The following COBL variants were observed in gnomAD, a reference collection of about 807,000 sequenced individuals.
COBL encodes protein cordon-bleu.
In COBL, 51 loss-of-function variants were observed where a neutral mutation model predicts 98.8. The ratio of observed to expected loss-of-function variants is 0.52; its 90% CI spans 0.41 to 0.65. The LOEUF is 0.65. Among genes scored for constraint, COBL ranks in the 30% least tolerant of loss-of-function variants. COBL has a pLI of 0.00. For missense variants in COBL, 1,617 were observed against 1,617.5 expected, an observed-to-expected ratio of 1.00 and a Z score of 0.01; for synonymous variants, 634 against 651.7, an observed-to-expected ratio of 0.97 and a Z score of 0.41.
intron 2 of COBL, 37 bp from the exon 3 acceptor site, chr7:51,193,626 G>C: frequency 6.4e-7 from 1 of 1,574,714 alleles, no homozygotes; most frequent in Non-Finnish European, 8.7e-7. Flanking sequence ...TATTAGGAAT[G>C]ACTGCACTCT....
intron 2 of COBL, among the ~76,000 whole-genome samples, chr7:51,200,296 G>A (rs1342589226): frequency 2.0e-5 from 3 of 152,184 alleles, no homozygotes; most frequent in African/African-American, 7.2e-5. Flanking sequence ...CATCATGAAA[G>A]CATATGAAAA....
chr7:51,189,118 T>C (rs1789833489), intron 4 of COBL, among the ~76,000 whole-genome samples: 2 of 152,216 alleles, frequency 1.3e-5, no homozygotes, highest in Non-Finnish European at 2.9e-5. Flanking sequence ...AAAAAGACAC[T>C]GGATAAAACA....
intron 2 of COBL, among the ~76,000 whole-genome samples, chr7:51,213,446 C>A (rs983767032): frequency 3.9e-5 from 6 of 152,190 alleles, no homozygotes; most frequent in Non-Finnish European, 8.8e-5. Context: ...CCGAAGCCAT[C>A]CCCAGCCTGG....
At chr7:51,169,974 T>C (rs1395661775) in intron 5 of COBL, among the ~76,000 whole-genome samples, 3 of 152,282 alleles carry the variant, frequency 2.0e-5, no homozygotes, top group Non-Finnish European at 4.4e-5. Flanking sequence ...ACCTAGTCTA[T>C]ACCCACAATT....
At chr7:51,095,511 A>C (rs1191056328) in intron 6 of COBL, among the ~76,000 whole-genome samples, 1 of 152,220 alleles carries the variant, frequency 6.6e-6, no homozygotes, top group Admixed American at 6.5e-5. Context: ...AATAGTAACA[A>C]GTCCTTCTCT....
At chr7:51,294,331 A>AAT (rs1157898470) in intron 1 of COBL, among the ~76,000 whole-genome samples, 46 of 130,010 alleles carry the variant, frequency 3.5e-4, no homozygotes, top group South Asian at 2.9e-3. Context: ...TAAATAAATA[A>AAT]AAATAAATAA....
At position 51,132,554 on chromosome 7, in the gene COBL, A is replaced by C. The variant is rs568047928; in HGVS notation, c.957+3604T>G. On this transcript the variant is annotated intron_variant, in intron 6 of 12. Coordinates refer to ENST00000265136, the MANE Select transcript of COBL (RefSeq NM_015198.5). ...GGCTCAAGAGCAGAACAAGTGAGGA[A>C]ACCATGAGCAAATAAGAGGAAAACA... is the stretch of plus-strand genomic sequence containing the variant. 1.2e-3 allele frequency among the ~76,000 whole-genome samples: 185 copies of C among 152,342 alleles called. 1 individual carries two copies. The highest frequency in any genetic ancestry group is 4.3e-3 in the African/African-American group (177 of 41,586).
At position 51,028,489 on chromosome 7, in the gene COBL, G is replaced by C. The variant is rs751828135; in HGVS notation, c.2607C>G (p.Ala869=). ...PQRRTSSQYV[A]SAIAKRIGAP... ...CTCCTATGCGCTTGGCAATGGCAGA[G>C]GCCACATACTGGCTGGACGTTCTTC... Residue 869 remains alanine (A), a synonymous_variant, in exon 10 of 13, where the codon GCC becomes GCG. Coordinates refer to ENST00000265136, the MANE Select transcript of COBL (RefSeq NM_015198.5). 1.9e-6 allele frequency: 3 copies of C among 1,614,142 alleles called. No individual in the cohort carries two copies. The highest frequency in any genetic ancestry group is 2.5e-6 in the Non-Finnish European group (3 of 1,180,066).
At chr7:51,182,665 G>C (rs114455093) in intron 5 of COBL, among the ~76,000 whole-genome samples, 6 of 151,608 alleles carry the variant, frequency 4.0e-5, no homozygotes, top group East Asian at 2.0e-4. Flanking sequence ...GGGGAAGAGA[G>C]GGGGAGAGGA....
At chr7:51,209,066 A>C (rs801137) in intron 2 of COBL, among the ~76,000 whole-genome samples, 11,768 of 131,316 alleles carry the variant, frequency 0.09, 891 homozygotes, top group East Asian at 0.3. Flanking sequence ...AAAAAAAAAA[A>C]AAAAAACATT....
chr7:51,247,320 C>A (rs962876766), intron 1 of COBL, among the ~76,000 whole-genome samples: 3 of 152,190 alleles, frequency 2.0e-5, no homozygotes, highest in African/African-American at 7.2e-5. Flanking sequence ...TTACCCACAG[C>A]CAGTGGAATC....
At chr7:51,299,370 G>A (rs1442708988) in intron 1 of COBL, among the ~76,000 whole-genome samples, 1 of 152,164 alleles carries the variant, frequency 6.6e-6, no homozygotes, top group Non-Finnish European at 1.5e-5. Context: ...CAGAAAAGAA[G>A]GTAAATCAAT....
intron 2 of COBL, among the ~76,000 whole-genome samples, chr7:51,207,030 C>T (rs975396518): frequency 1.3e-5 from 2 of 152,194 alleles, no homozygotes; most frequent in African/African-American, 4.8e-5. Context: ...ACTACACACA[C>T]ACACATACAC....
At chr7:51,200,217 T>A (rs1790988111) in intron 2 of COBL, among the ~76,000 whole-genome samples, 1 of 152,178 alleles carries the variant, frequency 6.6e-6, no homozygotes. Context: ...CTGTCAAAAC[T>A]AGGAAGTTTG....
intron 4 of COBL, among the ~76,000 whole-genome samples, chr7:51,185,675 T>G (rs534555100): frequency 6.6e-6 from 1 of 152,314 alleles, no homozygotes; most frequent in South Asian, 2.1e-4. Context: ...TAGCAAGAGC[T>G]CTATACCATT....
At chr7:51,207,950 T>C (rs1174221712) in intron 2 of COBL, among the ~76,000 whole-genome samples, 2 of 136,268 alleles carry the variant, frequency 1.5e-5, no homozygotes, top group African/African-American at 5.7e-5. Context: ...GTGAGGAGCG[T>C]CTCTGCCTGG....
chr7:51,075,992 G>A (rs1233555031), intron 7 of COBL, among the ~76,000 whole-genome samples: 1 of 151,996 alleles, frequency 6.6e-6, no homozygotes, highest in Non-Finnish European at 1.5e-5. Flanking sequence ...AGGCCCATTT[G>A]CTCACGACCC....
intron 6 of COBL, among the ~76,000 whole-genome samples, chr7:51,099,252 C>A (rs769582599): frequency 6.6e-6 from 1 of 152,136 alleles, no homozygotes; most frequent in Non-Finnish European, 1.5e-5. Context: ...ATCTAGCAAT[C>A]CCACTTCTGG....
At chr7:51,151,862 G>C (rs1785596214) in intron 5 of COBL, among the ~76,000 whole-genome samples, 1 of 152,192 alleles carries the variant, frequency 6.6e-6, no homozygotes, top group South Asian at 2.1e-4. Context: ...CCTCCTGGGA[G>C]ACCCCACGGA....
Sources: allele counts gnomAD v4.1 joint callset (sites outside exome capture counted in the v4.1 genomes callset), GRCh38; gene constraint gnomAD v4.1.1; transcripts MANE v1.5; gene names NCBI Gene and HGNC (gene_info 2026-07-23, HGNC 2026-07-21).